FAT3: variants seen among roughly 807,000 people sequenced by gnomAD.
The protein encoded by FAT3 is protocadherin Fat 3.
In FAT3, 95 loss-of-function variants were observed where a neutral mutation model predicts 310.2. That is an observed-to-expected ratio of 0.31 (90% CI 0.26 to 0.36). The LOEUF (loss-of-function observed/expected upper bound fraction) is 0.36. Among genes scored for constraint, FAT3 ranks in the 10% least tolerant of loss-of-function variants. FAT3 has a pLI of 1.00. For synonymous variants in FAT3, 2,314 were observed against 2,192.9 expected (o/e 1.06, Z -1.54); for missense variants, 5,408 against 5,715.6 (o/e 0.95, Z 1.74).
chr11:92,792,196 G>T (rs2136162034), intron 8 of FAT3, among the ~76,000 whole-genome samples: 1 of 152,268 alleles, frequency 6.6e-6, no homozygotes, highest in African/African-American at 2.4e-5. Flanking sequence ...ACTTAGCCCT[G>T]AGCATTATAC....
At chr11:92,585,842 C>CT (rs1939119569) in intron 3 of FAT3, among the ~76,000 whole-genome samples, 6 of 145,978 alleles carry the variant, frequency 4.1e-5, no homozygotes, top group African/African-American at 1.6e-4. Context: ...TTTTTTTCCC[C>CT]ATTAAAGGCA....
chr11:92,302,168 T>G (rs1947015743), intron 1 of FAT3, among the ~76,000 whole-genome samples: 1 of 152,078 alleles, frequency 6.6e-6, no homozygotes, highest in Admixed American at 6.6e-5. Flanking sequence ...TGATTGGAGA[T>G]TATTAGTGTA....
intron 3 of FAT3, among the ~76,000 whole-genome samples, chr11:92,531,246 G>A (rs950128621): frequency 2.6e-5 from 4 of 152,180 alleles, no homozygotes; most frequent in African/African-American, 9.7e-5. Context: ...GGCTTATGCA[G>A]ATTTATCACG....
chr11:92,291,084 C>CACAG (rs1828772956), intron 1 of FAT3, among the ~76,000 whole-genome samples: 1 of 150,262 alleles, frequency 6.7e-6, no homozygotes, highest in Non-Finnish European at 1.5e-5. Flanking sequence ...TTATTCTACA[C>CACAG]ACACACACAC....
chr11:92,375,205 C>T (rs911139593), intron 2 of FAT3, among the ~76,000 whole-genome samples: 18 of 152,088 alleles, frequency 1.2e-4, no homozygotes, highest in Admixed American at 1.1e-3. Context: ...GGGGTCATAG[C>T]TTACAGCAGC....
At chr11:92,483,396 C>T (rs1386530910) in intron 2 of FAT3, among the ~76,000 whole-genome samples, 1 of 151,634 alleles carries the variant, frequency 6.6e-6, no homozygotes, top group African/African-American at 2.4e-5. Flanking sequence ...AGTGCAATGG[C>T]GCGATCTCAG....
intron 3 of FAT3, among the ~76,000 whole-genome samples, chr11:92,563,457 G>A (rs993085471): frequency 1.3e-5 from 2 of 151,980 alleles, no homozygotes; most frequent in Non-Finnish European, 2.9e-5. Flanking sequence ...GACACTACCA[G>A]GTTATTCAAA....
rs376455806 is a variant in FAT3, at chr11:92,530,201, C to G, written c.3607+5253C>G. ...GGGGTAACAGGGAGAGAAATCCAGA[C>G]CACACTTCAACCTGAAAATTATTAC... On this transcript the variant is annotated intron_variant, in intron 3 of 27. Transcript: ENST00000525166. 1.7e-4 allele frequency among the ~76,000 whole-genome samples: 26 copies of G among 152,238 alleles called. 2 individuals are homozygous for G. Among genetic ancestry groups the G allele is most frequent in the Admixed American group, 1.1e-3 (17 of 15,290 alleles).
intron 1 of FAT3, among the ~76,000 whole-genome samples, chr11:92,232,328 G>T (rs1006043063): frequency 2.0e-5 from 3 of 152,138 alleles, no homozygotes; most frequent in African/African-American, 7.2e-5. Context: ...GAAGTGTGTG[G>T]TAATCTCTCT....
At chr11:92,698,177 G>A (rs1943994876) in intron 4 of FAT3, among the ~76,000 whole-genome samples, 1 of 152,086 alleles carries the variant, frequency 6.6e-6, no homozygotes, top group Non-Finnish European at 1.5e-5. Flanking sequence ...GTTTTATAAT[G>A]TGTCTACGCT....
chr11:92,274,498 A>G (rs1435793900), intron 1 of FAT3, among the ~76,000 whole-genome samples: 1 of 152,010 alleles, frequency 6.6e-6, no homozygotes, highest in Non-Finnish European at 1.5e-5. Flanking sequence ...AATTTTCTTG[A>G]CCATTTCAGG....
intron 3 of FAT3, among the ~76,000 whole-genome samples, chr11:92,642,418 T>A (rs767949659): frequency 2.0e-5 from 3 of 152,206 alleles, no homozygotes; most frequent in African/African-American, 7.2e-5. Context: ...AGTGCAAAAC[T>A]GGACTGTCAT....
intron 3 of FAT3, among the ~76,000 whole-genome samples, chr11:92,660,778 G>C (rs1240536576): frequency 1.3e-5 from 2 of 152,204 alleles, no homozygotes; most frequent in African/African-American, 4.8e-5. Flanking sequence ...AAACCACAGA[G>C]TCAGCCATTA....
At chr11:92,862,076 T>TA (rs1949132897) in intron 21 of FAT3, among the ~76,000 whole-genome samples, 1 of 152,196 alleles carries the variant, frequency 6.6e-6, no homozygotes, top group Non-Finnish European at 1.5e-5. Context: ...ATTCAAGGCT[T>TA]ACCATAAGCA....
At chr11:92,843,850 G>C in intron 18 of FAT3, 84 bp from the exon 19 acceptor site, 1 of 1,269,288 alleles carries the variant, frequency 7.9e-7, no homozygotes, top group Non-Finnish European at 1.1e-6. Flanking sequence ...TAAAGGTACA[G>C]ACGTCTTCTA....
At chr11:92,509,702 A>G (rs1197245411) in intron 2 of FAT3, among the ~76,000 whole-genome samples, 1 of 152,188 alleles carries the variant, frequency 6.6e-6, no homozygotes, top group East Asian at 1.9e-4. Flanking sequence ...AAGATGTTCC[A>G]TGTACAATGG....
chr11:92,549,368 T>C (rs503268), intron 3 of FAT3, among the ~76,000 whole-genome samples: 61,551 of 151,852 alleles, frequency 0.41, 12,900 homozygotes, highest in Middle Eastern at 0.53. Context: ...CATAAAGGAA[T>C]CATTTACTCT....
intron 1 of FAT3, among the ~76,000 whole-genome samples, chr11:92,315,537 A>AGAGAGAGAGATT (rs1947434818): frequency 7.1e-6 from 1 of 141,608 alleles, no homozygotes; most frequent in African/African-American, 2.8e-5. Flanking sequence ...AGAGAGAGAG[A>AGAGAGAGAGATT]GAGAGAGAGA....
At position 92,880,961 on chromosome 11, in the gene FAT3, G is replaced by T. The variant is rs937041238; in HGVS notation, c.12281+77G>T. 73 of 1,494,430 alleles carry T rather than the reference G, an allele frequency of 4.9e-5. No homozygotes were observed. The Admixed American group carries it at 1.2e-3, about 24-fold the overall frequency. The allele number at this position is 1,494,430 out of a possible 1,614,324, so 92.6% of individuals were successfully genotyped here. ...ACAAACCAGTAAACAACTAATGAGG[G>T]TAAAATATTTACCACTAATAGTACA... On this transcript the variant is annotated intron_variant, in intron 23 of 27. Transcript: ENST00000525166.
Sources: gnomAD v4.1 joint callset for allele counts (sites outside exome capture counted in the v4.1 genomes callset) on GRCh38, gnomAD v4.1.1 for gene constraint, MANE v1.5 for transcripts, NCBI Gene and HGNC (gene_info 2026-07-23, HGNC 2026-07-21) for gene names.